SPATA16: variants seen among roughly 807,000 people sequenced by gnomAD.
SPATA16 encodes spermatogenesis associated 16.
In SPATA16, 36 loss-of-function variants were observed where a neutral mutation model predicts 63.3. That is an observed-to-expected ratio of 0.57 (90% CI 0.44 to 0.75). The LOEUF is 0.75. SPATA16 is among the 30% of genes least tolerant of loss of function. The pLI, the probability that SPATA16 is intolerant of heterozygous loss-of-function variation, is 0.00. For synonymous variants in SPATA16, 203 were observed against 216.7 expected (o/e 0.94, Z 0.56); for missense variants, 646 against 679.3 (o/e 0.95, Z 0.54).
chr3:172,947,473 C>T (rs559493593), intron 6 of SPATA16, among the ~76,000 whole-genome samples: 8 of 152,258 alleles, frequency 5.3e-5, no homozygotes, highest in Admixed American at 1.3e-4. Context: ...TCATACCTTT[C>T]CAGAAACACC....
At chr3:173,002,144 T>C (rs1054771705) in intron 4 of SPATA16, among the ~76,000 whole-genome samples, 6 of 152,302 alleles carry the variant, frequency 3.9e-5, no homozygotes, top group African/African-American at 1.4e-4. Flanking sequence ...TAAAATTGTT[T>C]CAGCTTTGGC....
At chr3:173,018,654 G>A (rs550723480) in intron 4 of SPATA16, among the ~76,000 whole-genome samples, 1 of 152,086 alleles carries the variant, frequency 6.6e-6, no homozygotes, top group Non-Finnish European at 1.5e-5. Flanking sequence ...CTAGACAGTA[G>A]TCACCTGCAA....
rs755803047 is a variant in SPATA16 at position 172,924,277 on chromosome 3, C to T, written c.1269G>A (p.Val423=). 3 of 1,613,500 alleles carry T rather than the reference C, an allele frequency of 1.9e-6. No homozygotes were observed. In the African/African-American group the frequency reaches 4.0e-5, roughly 22 times the overall value. ...GCTTCCCCATTGTCTCCATTTGCCT[C>T]ACTGTATCTTCTCTGGTCAGACCGA... ...TPFGLTREDT[V]RQMETMGKRI... The change falls in exon 8 of 11, where the codon GTG becomes GTA. Residue 423 remains valine, a synonymous_variant. Coordinates refer to ENST00000351008, the MANE Select transcript of SPATA16 (RefSeq NM_031955.6).
chr3:172,961,065 TCTTTCTTCCTTCCTTC>T lies in SPATA16; in HGVS notation c.934-4257_934-4242del, dbSNP rs1185953884. Among the ~76,000 whole-genome samples, 7 of 40,162 alleles carry T rather than the reference TCTTTCTTCCTTCCTTC, an allele frequency of 1.7e-4. No homozygotes were observed. The East Asian group carries it at 4.0e-3, about 23-fold the overall frequency. 26.3% of individuals were successfully genotyped at this position (40,162 alleles called of 152,430 possible). Reference sequence around the variant, plus strand: ...CTTTCTTTCTTCTTTCTTTCTTTCTTCTTTCTTCCTTCCTTCCTTCCTTCCTTCCTTCCTTCCTTCC... The same window carrying T: ...CTTTCTTTCTTCTTTCTTTCTTTCTTCTTCCTTCCTTCCTTCCTTCCTTCC... On this transcript the variant is annotated intron_variant, in intron 5 of 10. Coordinates refer to ENST00000351008, the MANE Select transcript of SPATA16 (RefSeq NM_031955.6).
intron 3 of SPATA16, among the ~76,000 whole-genome samples, chr3:173,030,005 T>C (rs1382131015): frequency 6.6e-6 from 1 of 152,050 alleles, no homozygotes; most frequent in Admixed American, 6.6e-5. Context: ...AAAATTAAGA[T>C]ATCACAGGTA....
chr3:172,962,050 C>T lies in SPATA16; in HGVS notation c.934-5226G>A, dbSNP rs1210122073. On this transcript the variant is annotated intron_variant, in intron 5 of 10. Coordinates refer to ENST00000351008, the MANE Select transcript of SPATA16 (RefSeq NM_031955.6). ...GGCAGATCATATGAGGCCAGGAGTT[C>T]GAAACCAGCATGGCCAACATGGTGA... Among the ~76,000 whole-genome samples the T allele has an allele frequency of 1.3e-4, 20 of 151,970 alleles. No homozygotes were observed. The Middle Eastern group carries it at 0.01, about 79-fold the overall frequency.
intron 4 of SPATA16, among the ~76,000 whole-genome samples, chr3:173,006,240 G>GGA (rs1734943323): frequency 6.6e-6 from 1 of 152,144 alleles, no homozygotes; most frequent in Admixed American, 6.6e-5. Flanking sequence ...GCCACTTAGT[G>GGA]GTGGAATTAT....
chr3:173,067,608 A>T (rs1356723374), intron 2 of SPATA16, among the ~76,000 whole-genome samples: 1 of 152,194 alleles, frequency 6.6e-6, no homozygotes. Flanking sequence ...AGTTGGGAAA[A>T]AAAAGAAAAA....
intron 3 of SPATA16, among the ~76,000 whole-genome samples, chr3:173,028,810 C>T (rs1185314516): frequency 6.6e-6 from 1 of 151,934 alleles, no homozygotes; most frequent in Admixed American, 6.6e-5. Context: ...ACCATATAGT[C>T]CCTTGAATTC....
intron 2 of SPATA16, among the ~76,000 whole-genome samples, chr3:173,082,986 A>C (rs1296256947): frequency 6.6e-6 from 1 of 152,136 alleles, no homozygotes. Flanking sequence ...AGGTATTTAT[A>C]AATATTTATA....
chr3:173,052,105 G>T (rs1484643395), intron 2 of SPATA16, among the ~76,000 whole-genome samples: 1 of 152,104 alleles, frequency 6.6e-6, no homozygotes, highest in Non-Finnish European at 1.5e-5. Flanking sequence ...GCCACCGTGG[G>T]ATAATGTGGA....
chr3:172,956,927 A>C, intron 5 of SPATA16, 103 bp from the exon 6 acceptor site: 2 of 1,345,922 alleles, frequency 1.5e-6, no homozygotes, highest in Non-Finnish European at 2.1e-6. Context: ...AAATCTATAT[A>C]CTGTACTGCA....
intron 2 of SPATA16, among the ~76,000 whole-genome samples, chr3:173,051,414 G>A (rs1162909224): frequency 2.6e-5 from 4 of 152,262 alleles, no homozygotes; most frequent in South Asian, 2.1e-4. Context: ...GTGTTAGCCA[G>A]GATGACCTCG....
chr3:172,971,068 A>G (rs533359604), intron 5 of SPATA16, among the ~76,000 whole-genome samples: 8 of 152,178 alleles, frequency 5.3e-5, no homozygotes, highest in African/African-American at 1.2e-4. Flanking sequence ...AGAGAAATCT[A>G]TTCACTTGCT....
At chr3:173,066,415 G>A (rs867845350) in intron 2 of SPATA16, among the ~76,000 whole-genome samples, 6 of 152,150 alleles carry the variant, frequency 3.9e-5, no homozygotes, top group Non-Finnish European at 7.4e-5. Flanking sequence ...TGATGGCCTC[G>A]GGAGTGCCTG....
chr3:173,028,022 CTTT>C (rs1560101011), intron 3 of SPATA16, among the ~76,000 whole-genome samples: 908 of 56,296 alleles, frequency 0.016, 63 homozygotes, highest in African/African-American at 0.07. Context: ...TCCCTTCCTT[CTTT>C]CCTTCCTTCC....
chr3:172,908,917 G>C (rs555916424), intron 10 of SPATA16, among the ~76,000 whole-genome samples: 1 of 151,820 alleles, frequency 6.6e-6, no homozygotes, highest in African/African-American at 2.4e-5. Flanking sequence ...ACTTGCTACC[G>C]GAATTGTCTG....
chr3:172,999,235 A>G (rs1734760804), intron 4 of SPATA16, among the ~76,000 whole-genome samples: 1 of 152,136 alleles, frequency 6.6e-6, no homozygotes, highest in African/African-American at 2.4e-5. Context: ...ATATAGGCCT[A>G]TTCAGATTGT....
chr3:173,051,194 A>G (rs755136869), intron 2 of SPATA16, among the ~76,000 whole-genome samples: 10 of 152,154 alleles, frequency 6.6e-5, no homozygotes, highest in Middle Eastern at 3.4e-3. Context: ...GATCTTCTCA[A>G]TTAATTTTAT....
Sources: gnomAD v4.1 joint callset for allele counts (sites outside exome capture counted in the v4.1 genomes callset) on GRCh38, gnomAD v4.1.1 for gene constraint, MANE v1.5 for transcripts, NCBI Gene and HGNC (gene_info 2026-07-23, HGNC 2026-07-21) for gene names.